Variants in DNAI7 observed in about 807,000 individuals in gnomAD.
DNAI7 encodes dynein axonemal intermediate chain 7.
DNAI7 carries 78 observed loss-of-function variants against 86.6 expected under a neutral mutation model. That is an observed-to-expected ratio of 0.90 (90% CI 0.75 to 1.09). The LOEUF (loss-of-function observed/expected upper bound fraction) is 1.09, where lower values mean the gene tolerates loss of function less well. Ranked by LOEUF, DNAI7 falls within the 50% of genes least tolerant of loss-of-function variation. The pLI, the probability that DNAI7 is intolerant of heterozygous loss-of-function variation, is 0.00. For missense variants in DNAI7, 753 were observed against 810.2 expected, an observed-to-expected ratio of 0.93 and a Z score of 0.86; for synonymous variants, 274 against 273.0, an observed-to-expected ratio of 1.00 and a Z score of -0.04.
At chr12:25,120,317 G>GGAGGGAGAGAGA (rs1555156526) in intron 11 of DNAI7, among the ~76,000 whole-genome samples, 3 of 80,754 alleles carry the variant, frequency 3.7e-5, no homozygotes, top group South Asian at 5.0e-4. Context: ...GCAGGAAGAG[G>GGAGGGAGAGAGA]GAGAGAGAGA....
intron 2 of DNAI7, among the ~76,000 whole-genome samples, chr12:25,188,507 C>T (rs1950230614): frequency 6.6e-6 from 1 of 152,094 alleles, no homozygotes; most frequent in South Asian, 2.1e-4. Context: ...CCTACCTACA[C>T]TGTAAATTCC....
chr12:25,121,918 A>T lies in DNAI7; in HGVS notation c.1079-5T>A. 6.4e-7 allele frequency: 1 copy of T among 1,563,188 alleles called. No individual in the cohort carries two copies. The highest frequency in any genetic ancestry group is 8.6e-7 in the Non-Finnish European group (1 of 1,160,268). Reference sequence around the variant, plus strand: ...TCTCTACCAGCAACAACTGTGCTAAAATTAATCAGATTAACAGTTTTCAAA... The same window carrying T: ...TCTCTACCAGCAACAACTGTGCTAATATTAATCAGATTAACAGTTTTCAAA... On this transcript the variant is annotated splice_polypyrimidine_tract_variant and splice_region_variant and intron_variant, in intron 10 of 15. Coordinates refer to ENST00000395987, the MANE Select transcript of DNAI7 (RefSeq NM_018272.5).
intron 2 of DNAI7, among the ~76,000 whole-genome samples, chr12:25,176,559 T>G (rs1040067459): frequency 5.3e-5 from 8 of 151,994 alleles, no homozygotes; most frequent in African/African-American, 1.9e-4. Context: ...TTAATTCTAT[T>G]TTTATTTTTT....
chr12:25,125,360 C>T (rs1158358076), intron 9 of DNAI7, among the ~76,000 whole-genome samples: 1 of 152,188 alleles, frequency 6.6e-6, no homozygotes, highest in Non-Finnish European at 1.5e-5. Context: ...TTACATTTCT[C>T]TAATGATCAG....
At chr12:25,137,983 GTCA>G (rs1159695332) in intron 9 of DNAI7, among the ~76,000 whole-genome samples, 1 of 151,220 alleles carries the variant, frequency 6.6e-6, no homozygotes, top group Non-Finnish European at 1.5e-5. Flanking sequence ...CACTAGACAG[GTCA>G]TCAAGACAGA....
intron 4 of DNAI7, among the ~76,000 whole-genome samples, chr12:25,156,050 C>T (rs2140977200): frequency 6.6e-6 from 1 of 151,978 alleles, no homozygotes; most frequent in South Asian, 2.1e-4. Context: ...GTTCCACTAA[C>T]CCAAGATCGC....
intron 7 of DNAI7, among the ~76,000 whole-genome samples, chr12:25,148,983 CCTT>C: frequency 6.6e-6 from 1 of 152,118 alleles, no homozygotes. Context: ...TTCTTCTTCT[CCTT>C]CTTCTTCTAT....
Position 25,108,677 on chromosome 12 carries a change from A to AGAATGAAACTCAGTTTCTTCTTT in DNAI7, c.2017_2039dup (p.Thr681LysfsTer14). Reference sequence around the variant, plus strand: ...AATCCTTCACCATGTGATATAAAGTAGAATGAAACTCAGTTTCTTCTTTAA... The same window carrying AGAATGAAACTCAGTTTCTTCTTT: ...AATCCTTCACCATGTGATATAAAGTAGAATGAAACTCAGTTTCTTCTTTGAATGAAACTCAGTTTCTTCTTTAA... On this transcript the variant is annotated frameshift_variant, in exon 16 of 16. Transcript: ENST00000395987. LOFTEE classifies it low-confidence loss of function (END_TRUNC). The AGAATGAAACTCAGTTTCTTCTTT allele has an allele frequency of 1.2e-6, 2 of 1,613,950 alleles. No homozygotes were observed. Among genetic ancestry groups the AGAATGAAACTCAGTTTCTTCTTT allele is most frequent in the Non-Finnish European group, 1.7e-6 (2 of 1,179,964 alleles).
At chr12:25,185,868 G>A (rs7965763) in intron 2 of DNAI7, 59,926 of 306,048 alleles carry the variant, frequency 0.2, 6,051 homozygotes, top group Middle Eastern at 0.24. Flanking sequence ...CCATTCCTGG[G>A]GGTAGTTGAG....
At chr12:25,122,509 G>A (rs1941479045) in intron 10 of DNAI7, among the ~76,000 whole-genome samples, 1 of 150,748 alleles carries the variant, frequency 6.6e-6, no homozygotes. Flanking sequence ...GAAGTTTAAG[G>A]CCTGTTATGA....
intron 9 of DNAI7, among the ~76,000 whole-genome samples, chr12:25,133,688 T>C (rs1388262832): frequency 6.6e-6 from 1 of 152,338 alleles, no homozygotes; most frequent in East Asian, 1.9e-4. Flanking sequence ...AGCAGAAGGA[T>C]AGAGCACAGA....
At chr12:25,148,776 C>T (rs1045394479) in intron 7 of DNAI7, among the ~76,000 whole-genome samples, 1 of 152,060 alleles carries the variant, frequency 6.6e-6, no homozygotes, top group Non-Finnish European at 1.5e-5. Flanking sequence ...TCTAAGCTAG[C>T]CTCTTAGCTA....
chr12:25,112,418 T>A (rs1939067569), intron 13 of DNAI7, among the ~76,000 whole-genome samples: 1 of 145,194 alleles, frequency 6.9e-6, no homozygotes, highest in Non-Finnish European at 1.5e-5. Flanking sequence ...TTTTTTTTTT[T>A]TTTTTTGAGA....
intron 2 of DNAI7, among the ~76,000 whole-genome samples, chr12:25,172,283 A>C (rs1948223984): frequency 6.6e-6 from 1 of 152,210 alleles, no homozygotes; most frequent in African/African-American, 2.4e-5. Context: ...TACACAACTC[A>C]GTAGTTCTTC....
At chr12:25,167,315 C>G (rs1366304843) in intron 2 of DNAI7, among the ~76,000 whole-genome samples, 2 of 152,278 alleles carry the variant, frequency 1.3e-5, no homozygotes, top group Non-Finnish European at 2.9e-5. Context: ...CCCCTCCCTT[C>G]CCTACACATC....
At chr12:25,109,039 CAA>C (rs1419408261) in intron 15 of DNAI7, among the ~76,000 whole-genome samples, 2 of 152,042 alleles carry the variant, frequency 1.3e-5, no homozygotes, top group Non-Finnish European at 2.9e-5. Flanking sequence ...ATTCATGCAA[CAA>C]ATATTTATTG....
chr12:25,157,457 G>A (rs1592498063), intron 4 of DNAI7, among the ~76,000 whole-genome samples: 1 of 152,028 alleles, frequency 6.6e-6, no homozygotes, highest in East Asian at 1.9e-4. Context: ...ATAGATATGA[G>A]AATCCAGCTG....
At chr12:25,185,753 T>C in intron 2 of DNAI7, 1 of 983,816 alleles carries the variant, frequency 1.0e-6, no homozygotes. Flanking sequence ...ACTCACTCTT[T>C]GGCCACTGAA....
At chr12:25,174,406 G>A (rs566624893) in intron 2 of DNAI7, among the ~76,000 whole-genome samples, 15 of 106 alleles carry the variant, frequency 0.14, 5 homozygotes, top group African/African-American at 0.29. Context: ...CATATATATG[G>A]GATATATGGG....
Sources: allele counts gnomAD v4.1 joint callset (sites outside exome capture counted in the v4.1 genomes callset), GRCh38; gene constraint gnomAD v4.1.1; transcripts MANE v1.5; gene names NCBI Gene and HGNC (gene_info 2026-07-23, HGNC 2026-07-21).